Variants in USP54 observed in about 807,000 individuals in gnomAD.
USP54 encodes the protein ubiquitin carboxyl-terminal hydrolase 54.
In USP54, 87 loss-of-function variants were observed where a neutral mutation model predicts 170.5. The observed-to-expected ratio is 0.51, with a 90% CI of 0.43 to 0.61. The LOEUF is 0.61. Ranked by LOEUF, USP54 falls within the 20% of genes least tolerant of loss-of-function variation. USP54 has a pLI of 0.00. For synonymous variants in USP54, 655 were observed against 742.8 expected (o/e 0.88, Z 1.92); for missense variants, 1,786 against 2,047.8 (o/e 0.87, Z 2.47).
At chr10:73,620,239 G>A (rs2080977375) in intron 1 of USP54, among the ~76,000 whole-genome samples, 1 of 149,452 alleles carries the variant, frequency 6.7e-6, no homozygotes, top group African/African-American at 2.6e-5. Context: ...CTTGAACCTG[G>A]GAGGCGGAGG....
chr10:73,509,949 C>T (rs1324425611), intron 20 of USP54, among the ~76,000 whole-genome samples: 1 of 152,042 alleles, frequency 6.6e-6, no homozygotes, highest in East Asian at 1.9e-4. Flanking sequence ...GATGACACCA[C>T]TGCATTCCAG....
chr10:73,562,620 T>G (rs973588665), intron 4 of USP54, among the ~76,000 whole-genome samples: 2 of 152,240 alleles, frequency 1.3e-5, no homozygotes, highest in Non-Finnish European at 2.9e-5. Context: ...TGCATGCAGC[T>G]GCAGAATTCA....
intron 9 of USP54, among the ~76,000 whole-genome samples, chr10:73,540,973 C>T (rs890252162): frequency 7.2e-5 from 11 of 152,176 alleles, no homozygotes; most frequent in African/African-American, 2.7e-4. Flanking sequence ...ACTTCTTCAC[C>T]TACTATAGCA....
intron 12 of USP54, among the ~76,000 whole-genome samples, chr10:73,533,976 T>C (rs1267532614): frequency 6.6e-6 from 1 of 152,184 alleles, no homozygotes; most frequent in Admixed American, 6.5e-5. Flanking sequence ...CTTAATGGGA[T>C]ACTACGGGAA....
chr10:73,560,278 T>A (rs542963776), intron 4 of USP54, among the ~76,000 whole-genome samples: 1 of 152,036 alleles, frequency 6.6e-6, no homozygotes, highest in Non-Finnish European at 1.5e-5. Context: ...TTTCAGCAGG[T>A]CTTTTCCATC....
intron 1 of USP54, among the ~76,000 whole-genome samples, chr10:73,601,048 A>G (rs2079129294): frequency 1.3e-5 from 2 of 152,238 alleles, no homozygotes; most frequent in Admixed American, 1.3e-4. Context: ...AAAGGTTACA[A>G]ATAAATAATA....
intron 4 of USP54, among the ~76,000 whole-genome samples, chr10:73,563,379 C>T (rs73272371): frequency 0.042 from 6,411 of 152,122 alleles, 446 homozygotes; most frequent in African/African-American, 0.14. Context: ...GGTTTCCTAT[C>T]CTGAGAAAGG....
intron 17 of USP54, 74 bp from the exon 18 acceptor site, chr10:73,521,101 G>T: frequency 6.3e-7 from 1 of 1,588,926 alleles, no homozygotes; most frequent in Non-Finnish European, 8.6e-7. Flanking sequence ...TTTCCCTTCA[G>T]TACACAGAGA....
chr10:73,582,643 G>A (rs1345719130), intron 1 of USP54, among the ~76,000 whole-genome samples: 2 of 152,058 alleles, frequency 1.3e-5, no homozygotes, highest in Non-Finnish European at 2.9e-5. Flanking sequence ...CACCCACCTC[G>A]GCCTCCCAAA....
intron 1 of USP54, among the ~76,000 whole-genome samples, chr10:73,604,226 C>T (rs542100287): frequency 1.1e-4 from 17 of 151,898 alleles, no homozygotes; most frequent in African/African-American, 3.4e-4. Flanking sequence ...CCAGCCTGGG[C>T]GACAGAGCGA....
At chr10:73,619,543 A>C in intron 1 of USP54, among the ~76,000 whole-genome samples, 1 of 150,136 alleles carries the variant, frequency 6.7e-6, no homozygotes, top group South Asian at 2.1e-4. Flanking sequence ...AAAAAAAAAA[A>C]AAAAGAAAGA....
chr10:73,606,157 G>A (rs1215348780), intron 1 of USP54, among the ~76,000 whole-genome samples: 4 of 120,694 alleles, frequency 3.3e-5, no homozygotes, highest in Non-Finnish European at 4.9e-5. Context: ...CAGCCTGGGC[G>A]ACAGAGTGAG....
At chr10:73,591,000 A>AT (rs201118539) in intron 1 of USP54, among the ~76,000 whole-genome samples, 301 of 150,084 alleles carry the variant, frequency 2.0e-3, no homozygotes, top group Non-Finnish European at 3.2e-3. Context: ...AAAATCTATG[A>AT]ATTTTTTTTT....
rs149039456 is a variant in USP54 at position 73,499,040 on chromosome 10, G to T, written c.4644C>A (p.Thr1548=). Reference sequence around the variant, plus strand: ...GGAATCTGGTCCCAATATGCTGGTTGGTCTCTGACCAGGGTGCCCAGGAGT... The same window carrying T: ...GGAATCTGGTCCCAATATGCTGGTTTGTCTCTGACCAGGGTGCCCAGGAGT... ...TDNSWAPWSE[T]NQHIGTRFLT... is the part of the protein sequence containing the mutation. The change falls in exon 24 of 24, where the codon ACC becomes ACA. Residue 1548 remains threonine, a synonymous_variant. Coordinates refer to ENST00000687698, the MANE Select transcript of USP54 (RefSeq NM_001391956.1). 1 of 1,614,144 alleles carries T rather than the reference G, an allele frequency of 6.2e-7. No homozygotes were observed. The highest frequency in any genetic ancestry group is 1.1e-5 in the South Asian group (1 of 91,080).
chr10:73,565,064 A>T lies in USP54; in HGVS notation c.240+6357T>A, dbSNP rs188445311. 2.9e-3 allele frequency among the ~76,000 whole-genome samples: 448 copies of T among 152,186 alleles called. 1 individual carries two copies. Among genetic ancestry groups the T allele is most frequent in the African/African-American group, 0.01 (431 of 41,520 alleles). On this transcript the variant is annotated intron_variant, in intron 4 of 23. Transcript: ENST00000687698. The stretch of plus-strand genomic sequence containing the variant: ...ACTCCAGGCTGGGTGACAGAGCAAG[A>T]TCCTATCTCTAAAAAATAATAATAC...
chr10:73,599,185 C>T (rs1226284718), intron 1 of USP54, among the ~76,000 whole-genome samples: 1 of 152,190 alleles, frequency 6.6e-6, no homozygotes. Flanking sequence ...TACAGTTATT[C>T]GATGTCTGAC....
intron 1 of USP54, among the ~76,000 whole-genome samples, chr10:73,617,206 G>C (rs1240210118): frequency 6.6e-6 from 1 of 150,580 alleles, no homozygotes; most frequent in Non-Finnish European, 1.5e-5. Context: ...TGAGGCAGGA[G>C]AATCGCTTGA....
In USP54 at chr10:73,606,175, CAAAAA is replaced by C. The variant is rs1178699732; in HGVS notation, c.-18+19387_-18+19391del. 1.2e-3 allele frequency among the ~76,000 whole-genome samples: 32 copies of C among 25,622 alleles called. No homozygotes were observed. The South Asian group carries it at 0.043, about 34-fold the overall frequency. 16.8% of individuals were successfully genotyped at this position (25,622 alleles called of 152,430 possible). A position where few individuals can be genotyped will look rare whatever the true frequency, so the allele number is the denominator to read the frequency against. Reference sequence around the variant, plus strand: ...CCTGGGCGACAGAGTGAGGCTGTCTCAAAAAAAAAAAAAAAAAAAAAAAAAAAATG... The same window carrying C: ...CCTGGGCGACAGAGTGAGGCTGTCTCAAAAAAAAAAAAAAAAAAAAAAATG... On this transcript the variant is annotated intron_variant, in intron 1 of 22. Coordinates refer to the USP54 transcript ENST00000339859.
chr10:73,610,478 C>A (rs535669894), intron 1 of USP54, among the ~76,000 whole-genome samples: 14 of 151,820 alleles, frequency 9.2e-5, no homozygotes, highest in Admixed American at 5.3e-4. Context: ...AAAAATTAGC[C>A]GGACATGGTG....
Sources: gnomAD v4.1 joint callset for allele counts (sites outside exome capture counted in the v4.1 genomes callset) on GRCh38, gnomAD v4.1.1 for gene constraint, MANE v1.5 for transcripts, NCBI Gene and HGNC (gene_info 2026-07-23, HGNC 2026-07-21) for gene names.